Variants in AFF3 observed in about 807,000 individuals in gnomAD.
AFF3 encodes the protein ALF transcription elongation factor 3.
Under a neutral mutation model 129.7 loss-of-function variants are expected in AFF3, and 32 were observed. The ratio of observed to expected loss-of-function variants is 0.25; its 90% confidence interval spans 0.19 to 0.33. The LOEUF (loss-of-function observed/expected upper bound fraction) is 0.33. Ranked by LOEUF, AFF3 falls within the 10% of genes least tolerant of loss-of-function variation. The pLI, the probability that AFF3 is intolerant of heterozygous loss-of-function variation, is 1.00. For missense variants in AFF3, 1,373 were observed against 1,592.0 expected (o/e 0.86, Z 2.34); for synonymous variants, 644 against 635.4 (o/e 1.01, Z -0.20).
At chr2:100,078,871 A>G in intron 4 of AFF3, among the ~76,000 whole-genome samples, 1 of 152,076 alleles carries the variant, frequency 6.6e-6, no homozygotes, top group East Asian at 1.9e-4. Context: ...TGTAAATGCT[A>G]TGTAAATAGC....
At chr2:99,938,171 A>C (rs1338109454) in intron 7 of AFF3, among the ~76,000 whole-genome samples, 1 of 152,194 alleles carries the variant, frequency 6.6e-6, no homozygotes, top group African/African-American at 2.4e-5. Flanking sequence ...ACTACCATTA[A>C]CTCAGTGAAC....
intron 4 of AFF3, among the ~76,000 whole-genome samples, chr2:100,020,187 C>T (rs2104859877): frequency 6.6e-6 from 1 of 151,804 alleles, no homozygotes; most frequent in Middle Eastern, 3.4e-3. Flanking sequence ...ATGCTTTTCA[C>T]TCCCCTATCT....
chr2:99,739,030 C>A (rs1285672680), intron 10 of AFF3, among the ~76,000 whole-genome samples: 2 of 29,752 alleles, frequency 6.7e-5, no homozygotes, highest in East Asian at 2.0e-3. Context: ...TTTTTTTTAG[C>A]AAATATTATG....
chr2:100,104,780 G>C, intron 3 of AFF3: 7 of 873,310 alleles, frequency 8.0e-6, no homozygotes, highest in Non-Finnish European at 9.3e-6. Flanking sequence ...CCCTCGCGGC[G>C]GCCCGGCCCG....
intron 11 of AFF3, among the ~76,000 whole-genome samples, chr2:99,714,438 T>C (rs1487530603): frequency 2.6e-5 from 4 of 152,208 alleles, no homozygotes; most frequent in Admixed American, 2.0e-4. Context: ...AAACAGGATC[T>C]GGCCAACTTT....
At chr2:99,647,089 T>C (rs1684761272) in intron 13 of AFF3, among the ~76,000 whole-genome samples, 1 of 152,208 alleles carries the variant, frequency 6.6e-6, no homozygotes. Context: ...GAAGACATTG[T>C]GGTGATTCTT....
chr2:99,566,497 A>C (rs891926771), intron 19 of AFF3, among the ~76,000 whole-genome samples: 1 of 152,172 alleles, frequency 6.6e-6, no homozygotes, highest in Non-Finnish European at 1.5e-5. Flanking sequence ...CCAGTGAGCT[A>C]TGATCGCCCC....
chr2:99,797,688 C>T (rs1240941529), intron 8 of AFF3, among the ~76,000 whole-genome samples: 19 of 151,714 alleles, frequency 1.3e-4, no homozygotes, highest in Admixed American at 5.9e-4. Context: ...CAGAGAAAGA[C>T]GAAACAGAGA....
chr2:99,767,800 C>A (rs1362445218), intron 8 of AFF3, among the ~76,000 whole-genome samples: 1 of 152,180 alleles, frequency 6.6e-6, no homozygotes, highest in Non-Finnish European at 1.5e-5. Context: ...AAAAAATTAG[C>A]TGGGTGCGGT....
Position 99,593,833 on chromosome 2 carries a change from C to G in AFF3, c.1828G>C (p.Ala610Pro), listed in dbSNP as rs1185333781. 1 of 1,603,856 alleles carries G rather than the reference C, an allele frequency of 6.2e-7. No individual in the cohort carries two copies. Among genetic ancestry groups the G allele is most frequent in the African/African-American group, 1.3e-5 (1 of 74,584 alleles). ...ANCHRPEEPAAADALGTSVVV... is the reference protein window; with the variant it reads ...ANCHRPEEPAPADALGTSVVV... ...ACGCTCGTCCCCAGCGCGTCCGCGGCCGCGGGCTCCTCGGGCCGGTGGCAG... is the reference window on the plus strand; with the variant it reads ...ACGCTCGTCCCCAGCGCGTCCGCGGGCGCGGGCTCCTCGGGCCGGTGGCAG... Residue 610 changes from alanine to proline, a missense_variant, in exon 15 of 25, where the codon GCC becomes CCC. Around this residue, in one of 9 missense-constraint regions of AFF3, gnomAD observed 466 missense variants for 505.0 expected, o/e 0.92. Transcript: ENST00000672756.
intron 8 of AFF3, among the ~76,000 whole-genome samples, chr2:99,822,233 G>T (rs1035745251): frequency 6.6e-6 from 1 of 151,598 alleles, no homozygotes; most frequent in Non-Finnish European, 1.5e-5. Flanking sequence ...GACTTAATGG[G>T]CCCTTCATCA....
At chr2:99,794,593 A>G (rs1576005191) in intron 8 of AFF3, among the ~76,000 whole-genome samples, 1 of 152,268 alleles carries the variant, frequency 6.6e-6, no homozygotes. Flanking sequence ...GTATTCAGCT[A>G]AAGACTCAAG....
At chr2:99,968,625 A>G (rs1047655487) in intron 7 of AFF3, among the ~76,000 whole-genome samples, 1 of 152,232 alleles carries the variant, frequency 6.6e-6, no homozygotes. Flanking sequence ...CTGCCCTGAA[A>G]TAATTTAGCA....
Position 99,554,583 on chromosome 2 carries a change from C to T in AFF3, c.3336-49G>A, listed in dbSNP as rs780693565. 6.8e-6 allele frequency: 11 copies of T among 1,607,390 alleles called. No homozygotes were observed. The African/African-American group carries it at 9.4e-5, about 14-fold the overall frequency. On this transcript the variant is annotated intron_variant, in intron 23 of 24. Transcript: ENST00000672756. ...CCAGAGTGGCGAGGTCGGGAGCAAG[C>T]GAGGCAGGGCAGCCCCTTGGGGAAC...
At chr2:100,131,444 C>T (rs1038696495) in intron 1 of AFF3, among the ~76,000 whole-genome samples, 15 of 152,064 alleles carry the variant, frequency 9.9e-5, no homozygotes, top group Non-Finnish European at 1.5e-4. Flanking sequence ...AATAAATAAA[C>T]TTTTTTTAAA....
intron 11 of AFF3, among the ~76,000 whole-genome samples, chr2:99,680,747 A>G (rs915622729): frequency 6.6e-6 from 1 of 152,226 alleles, no homozygotes; most frequent in Non-Finnish European, 1.5e-5. Flanking sequence ...GGTTGGAAAC[A>G]TCAGTTTTTG....
chr2:100,056,157 A>ATAT (rs1686767816), intron 4 of AFF3, among the ~76,000 whole-genome samples: 1 of 151,816 alleles, frequency 6.6e-6, no homozygotes, highest in Non-Finnish European at 1.5e-5. Flanking sequence ...CACGCTAGTC[A>ATAT]CATCTCTCCA....
At chr2:99,558,037 C>A (rs1310217764) in intron 22 of AFF3, among the ~76,000 whole-genome samples, 2 of 152,212 alleles carry the variant, frequency 1.3e-5, no homozygotes, top group Non-Finnish European at 2.9e-5. Flanking sequence ...AAAATAATTT[C>A]ATTCCCTGAG....
chr2:99,685,591 A>T (rs2104597298), intron 11 of AFF3, among the ~76,000 whole-genome samples: 1 of 152,334 alleles, frequency 6.6e-6, no homozygotes, highest in Non-Finnish European at 1.5e-5. Flanking sequence ...AAAAAGAGTA[A>T]AACTGCAGAA....
Sources: allele counts gnomAD v4.1 joint callset (sites outside exome capture counted in the v4.1 genomes callset), GRCh38; gene constraint gnomAD v4.1.1; regional missense constraint gnomAD v4.1.1; transcripts MANE v1.5; gene names NCBI Gene and HGNC (gene_info 2026-07-23, HGNC 2026-07-21).